Variants in KIAA1549L observed in about 807,000 individuals in gnomAD.
The protein encoded by KIAA1549L is UPF0606 protein KIAA1549L.
A neutral mutation model predicts 160.7 loss-of-function variants in KIAA1549L; 88 were observed. The observed-to-expected ratio is 0.55, with a 90% CI of 0.46 to 0.65. KIAA1549L has a LOEUF of 0.65. Ranked by LOEUF, KIAA1549L falls within the 30% of genes least tolerant of loss-of-function variation. The probability of loss-of-function intolerance (pLI) is 0.00; values close to 1 mark genes in which losing one functional copy is unlikely to be tolerated. For synonymous variants in KIAA1549L, 950 were observed against 976.7 expected, an observed-to-expected ratio of 0.97 and a Z score of 0.51; for missense variants, 2,258 against 2,437.5, an observed-to-expected ratio of 0.93 and a Z score of 1.55.
Position 33,543,508 on chromosome 11 carries a change from C to T in KIAA1549L, c.1945C>T (p.Pro649Ser). ...ATCTCTTGGCTTTTCCAGCACCAAGCCAGAGGCTTATGCAGCTGCTGTGGA... is the reference window on the plus strand; with the variant it reads ...ATCTCTTGGCTTTTCCAGCACCAAGTCAGAGGCTTATGCAGCTGCTGTGGA... ...FPSLGFSSTK[P>S]EAYAAAVDHS... Residue 649 changes from proline to serine, a missense_variant, in exon 2 of 21, where the codon CCA becomes TCA. By Grantham distance (74) the Pro-to-Ser change is moderately conservative. Transcript: ENST00000658780. The T allele has an allele frequency of 1.2e-6, 2 of 1,614,044 alleles. 1 individual carries two copies. The highest frequency in any genetic ancestry group is 2.2e-5 in the South Asian group (2 of 91,080).
intron 20 of KIAA1549L, among the ~76,000 whole-genome samples, chr11:33,663,198 C>T (rs1435968855): frequency 6.6e-6 from 1 of 152,192 alleles, no homozygotes. Context: ...GTCTGACCTT[C>T]CTGATCCCAG....
intron 19 of KIAA1549L, among the ~76,000 whole-genome samples, chr11:33,659,674 A>G (rs1288161716): frequency 1.3e-5 from 2 of 152,220 alleles, no homozygotes; most frequent in Non-Finnish European, 2.9e-5. Flanking sequence ...AAATTCCACC[A>G]GTGAAGTCCA....
intron 20 of KIAA1549L, among the ~76,000 whole-genome samples, chr11:33,664,099 T>C (rs1852359822): frequency 1.3e-5 from 2 of 152,196 alleles, no homozygotes; most frequent in Non-Finnish European, 1.5e-5. Context: ...ATATCAGTGC[T>C]TGTATATAAA....
chr11:33,511,472 A>G (rs1008517566), intron 1 of KIAA1549L, among the ~76,000 whole-genome samples: 1 of 152,216 alleles, frequency 6.6e-6, no homozygotes, highest in Non-Finnish European at 1.5e-5. Flanking sequence ...CCTTTTCAGA[A>G]AGGAAGTGTA....
Position 33,543,701 on chromosome 11 carries a change from T to C in KIAA1549L, c.2138T>C (p.Ile713Thr), listed in dbSNP as rs772730641. ...GGATCTCTTTCCACAGAATCAATAA[T>C]ATCTGGCTTGCAGCAGCAAACAAAT... is the stretch of plus-strand genomic sequence containing the variant. ...ETGSLSTESI[I>T]SGLQQQTNYD... Residue 713 changes from isoleucine to threonine, a missense_variant, in exon 2 of 21, where the codon ATA (isoleucine) becomes ACA (threonine). Transcript: ENST00000658780. 6 of 1,613,914 alleles carry C rather than the reference T, an allele frequency of 3.7e-6. No homozygotes were observed. Among genetic ancestry groups the C allele is most frequent in the African/African-American group, 2.7e-5 (2 of 74,934 alleles).
intron 6 of KIAA1549L, among the ~76,000 whole-genome samples, chr11:33,559,172 TG>T (rs1249382507): frequency 6.6e-6 from 1 of 152,162 alleles, no homozygotes. Flanking sequence ...TCTGTCGCTC[TG>T]CCCGTGACCA....
chr11:33,576,754 G>C (rs571160394), intron 10 of KIAA1549L, among the ~76,000 whole-genome samples: 29 of 152,316 alleles, frequency 1.9e-4, no homozygotes, highest in Admixed American at 6.5e-4. Flanking sequence ...CTAGGTGCTG[G>C]CTTGAGCATT....
In KIAA1549L at chr11:33,559,832, C is replaced by A. The variant is rs375574453; in HGVS notation, c.3939C>A (p.Val1313=). The A allele has an allele frequency of 1.9e-6, 3 of 1,613,994 alleles. No homozygotes were observed. Among genetic ancestry groups the A allele is most frequent in the Non-Finnish European group, 2.5e-6 (3 of 1,179,848 alleles). The change falls in exon 7 of 21, where the codon GTC becomes GTA. Residue 1313 remains valine (V), a synonymous_variant. Coordinates refer to ENST00000658780, the MANE Select transcript of KIAA1549L (RefSeq NM_012194.3). The stretch of plus-strand genomic sequence containing the variant: ...AGAGCACATTCCTCAACGGCACCGT[C>A]GCCAGCAGCCTCCTCAGCCAGCTCT... ...GNQSTFLNGT[V]ASSLLSQLSA... is the part of the protein sequence containing the mutation.
intron 1 of KIAA1549L, chr11:33,450,905 G>A (rs1403916171): frequency 1.3e-5 from 2 of 152,518 alleles, no homozygotes; most frequent in South Asian, 2.1e-4. Context: ...TACTGATGGT[G>A]TAGCTGTGGC....
intron 1 of KIAA1549L, among the ~76,000 whole-genome samples, chr11:33,446,266 T>C (rs1851609291): frequency 1.3e-5 from 2 of 152,092 alleles, no homozygotes; most frequent in Admixed American, 6.5e-5. Flanking sequence ...GGCTAATTTT[T>C]GTATTTTTAG....
At chr11:33,522,506 GT>G in intron 1 of KIAA1549L, among the ~76,000 whole-genome samples, 2 of 152,126 alleles carry the variant, frequency 1.3e-5, no homozygotes, top group Non-Finnish European at 2.9e-5. Context: ...GTCTTTTTCA[GT>G]AGACCACTTT....
intron 20 of KIAA1549L, among the ~76,000 whole-genome samples, chr11:33,662,358 A>G (rs1852294709): frequency 6.6e-6 from 1 of 152,160 alleles, no homozygotes; most frequent in African/African-American, 2.4e-5. Flanking sequence ...ATCTGTGCTC[A>G]TTAGAATTGT....
chr11:33,638,197 G>T (rs1226583686), intron 16 of KIAA1549L, among the ~76,000 whole-genome samples: 1 of 152,038 alleles, frequency 6.6e-6, no homozygotes, highest in African/African-American at 2.4e-5. Context: ...ATAACCACCA[G>T]ACCAATGAAA....
At chr11:33,518,138 CAAAAAAAAAAA>C (rs560876643) in intron 1 of KIAA1549L, among the ~76,000 whole-genome samples, 7 of 59,414 alleles carry the variant, frequency 1.2e-4, no homozygotes, top group Non-Finnish European at 2.1e-4. Context: ...GACTCTGTCT[CAAAAAAAAAAA>C]AAAAAAAAAA....
chr11:33,520,555 G>A (rs1319363057), intron 1 of KIAA1549L, among the ~76,000 whole-genome samples: 4 of 152,144 alleles, frequency 2.6e-5, no homozygotes, highest in Middle Eastern at 3.4e-3. Context: ...TCAAGTAAGG[G>A]CATTAACAAA....
In KIAA1549L at chr11:33,543,078, T is replaced by TA; in HGVS notation, c.1516dup (p.Thr506AsnfsTer27). On this transcript the variant is annotated frameshift_variant, in exon 2 of 21. Transcript: ENST00000658780. LOFTEE classifies it high-confidence loss of function. ...GGACAGCCGACTTTCCCTCCATACTTACTTTCCTCCAGCCCACAGAGAATC... is the reference window on the plus strand; with the variant it reads ...GGACAGCCGACTTTCCCTCCATACTTAACTTTCCTCCAGCCCACAGAGAATC... 3.1e-6 allele frequency: 5 copies of TA among 1,613,930 alleles called. No individual in the cohort carries two copies. The highest frequency in any genetic ancestry group is 2.7e-5 in the African/African-American group (2 of 75,072).
intron 12 of KIAA1549L, among the ~76,000 whole-genome samples, chr11:33,597,500 T>A (rs1242770350): frequency 6.6e-6 from 1 of 152,190 alleles, no homozygotes; most frequent in East Asian, 1.9e-4. Flanking sequence ...TTCTCCATTG[T>A]CAGGGATAGA....
rs776678522 is a variant in KIAA1549L at position 33,660,852 on chromosome 11, C to A, written c.6008-11C>A. ...TCTCTTAACCTCCCTCCTCCATTTC[C>A]TCCATGCCAGGTAATACGGTGCCAG... On this transcript the variant is annotated splice_polypyrimidine_tract_variant and intron_variant, in intron 19 of 20. Transcript: ENST00000658780. The A allele has an allele frequency of 4.5e-5, 72 of 1,613,190 alleles. No individual in the cohort carries two copies. Among genetic ancestry groups the A allele is most frequent in the Non-Finnish European group, 3.9e-5 (46 of 1,179,562 alleles).
In KIAA1549L at chr11:33,672,143, C is replaced by T. The variant is rs147996825; in HGVS notation, c.*3989C>T. On this transcript the variant is annotated 3_prime_UTR_variant, in exon 21 of 21. Transcript: ENST00000658780. ...AGGGATGGAGACAGCTACCTTTGCT[C>T]TTGCTCTCACATTCTCTGTCCTCAT... 59 of 152,338 alleles carry T rather than the reference C, an allele frequency of 3.9e-4. No homozygotes were observed. The highest frequency in any genetic ancestry group is 1.3e-3 in the African/African-American group (53 of 41,564). The allele number at this position is 152,338 out of a possible 1,614,324, so 9.4% of individuals were successfully genotyped here.
Sources: gnomAD v4.1 joint callset for allele counts (sites outside exome capture counted in the v4.1 genomes callset) on GRCh38, gnomAD v4.1.1 for gene constraint, MANE v1.5 for transcripts, NCBI Gene and HGNC (gene_info 2026-07-23, HGNC 2026-07-21) for gene names.